Variants in ARMC3 observed in about 807,000 individuals in gnomAD.
ARMC3 encodes the protein armadillo repeat-containing protein 3.
Under a neutral mutation model 90.3 loss-of-function variants are expected in ARMC3, and 74 were observed. That is an observed-to-expected ratio of 0.82 (90% CI 0.68 to 0.99). The LOEUF is 0.99. ARMC3 is among the 50% of genes least tolerant of loss of function. ARMC3 has a pLI of 0.00. For synonymous variants in ARMC3, 334 were observed against 361.8 expected, an observed-to-expected ratio of 0.92 and a Z score of 0.87; for missense variants, 958 against 1,042.8, an observed-to-expected ratio of 0.92 and a Z score of 1.12.
intron 2 of ARMC3, among the ~76,000 whole-genome samples, chr10:22,937,830 C>T (rs956027382): frequency 6.6e-6 from 1 of 152,210 alleles, no homozygotes; most frequent in African/African-American, 2.4e-5. Context: ...ACTACCATCA[C>T]CCCAGTATTG....
At chr10:23,021,259 G>T (rs1260312718) in intron 16 of ARMC3, among the ~76,000 whole-genome samples, 1 of 152,182 alleles carries the variant, frequency 6.6e-6, no homozygotes, top group African/African-American at 2.4e-5. Flanking sequence ...ATCGTGAATA[G>T]TGCTGCAATG....
chr10:22,946,243 T>G lies in ARMC3; in HGVS notation c.148T>G (p.Tyr50Asp). 1.2e-6 allele frequency: 2 copies of G among 1,606,376 alleles called. No homozygotes were observed. Among genetic ancestry groups the G allele is most frequent in the Non-Finnish European group, 1.7e-6 (2 of 1,174,738 alleles). ...TTTGGCTAAAGCATGTGAAGCCATT[T>G]ATAAATTTGCTTTAAAAGGTTTGGA... ...EILAKACEAIYKFALKGEENK... is the reference protein window; with the variant it reads ...EILAKACEAIDKFALKGEENK... Residue 50 changes from tyrosine to aspartate, a missense_variant, in exon 3 of 19, where the codon TAT (tyrosine) becomes GAT (aspartate). Tyr to Asp is a radical substitution (Grantham distance 160). Transcript: ENST00000298032.
chr10:22,955,670 A>T, intron 3 of ARMC3, 137 bp from the exon 4 acceptor site: 1 of 1,055,122 alleles, frequency 9.5e-7, no homozygotes. Flanking sequence ...CTTGAAGTTT[A>T]TTCTGAGGGA....
At chr10:23,001,198 A>C (rs1264427666) in intron 11 of ARMC3, among the ~76,000 whole-genome samples, 2 of 152,194 alleles carry the variant, frequency 1.3e-5, no homozygotes, top group Non-Finnish European at 2.9e-5. Context: ...GACTGTGTTA[A>C]CTTCCTATTG....
In ARMC3 at chr10:23,005,176, G is replaced by A. The variant is rs527846369; in HGVS notation, c.1732-1708G>A. Reference sequence around the variant, plus strand: ...TGTGGTGAGCCGAGATCATACCACTGCACTCCAGCCTGGGCGACAGAGCTA... The same window carrying A: ...TGTGGTGAGCCGAGATCATACCACTACACTCCAGCCTGGGCGACAGAGCTA... On this transcript the variant is annotated intron_variant, in intron 13 of 18. Transcript: ENST00000298032. Among the ~76,000 whole-genome samples, 34 of 133,008 alleles carry A rather than the reference G, an allele frequency of 2.6e-4. No homozygotes were observed. In the Admixed American group the frequency reaches 2.7e-3, roughly 11 times the overall value. 87.3% of individuals were successfully genotyped at this position (133,008 alleles called of 152,430 possible). A position where few individuals can be genotyped will look rare whatever the true frequency, so the allele number is the denominator to read the frequency against.
At chr10:23,032,669 G>A (rs1002967764) in intron 17 of ARMC3, among the ~76,000 whole-genome samples, 192 bp from the exon 18 acceptor site, 1 of 151,946 alleles carries the variant, frequency 6.6e-6, no homozygotes, top group African/African-American at 2.4e-5. Context: ...TATATATGAT[G>A]GTTTGCATAC....
chr10:22,938,576 T>A (rs1834202599), intron 2 of ARMC3, among the ~76,000 whole-genome samples: 2 of 151,728 alleles, frequency 1.3e-5, no homozygotes, highest in South Asian at 4.2e-4. Context: ...GTGAAGAAGA[T>A]GAGATGTGGC....
At chr10:22,937,370 C>T (rs954282059) in intron 2 of ARMC3, among the ~76,000 whole-genome samples, 5 of 152,150 alleles carry the variant, frequency 3.3e-5, no homozygotes, top group Non-Finnish European at 5.9e-5. Flanking sequence ...ACCATAGTAT[C>T]CTTATTCACA....
chr10:22,972,356 A>G (rs1313678469), intron 8 of ARMC3, among the ~76,000 whole-genome samples: 2 of 152,112 alleles, frequency 1.3e-5, no homozygotes, highest in African/African-American at 4.8e-5. Context: ...TTATTTTTAT[A>G]TAGGGTATAA....
At chr10:22,954,867 A>G (rs1263019016) in intron 3 of ARMC3, among the ~76,000 whole-genome samples, 1 of 152,052 alleles carries the variant, frequency 6.6e-6, no homozygotes, top group Non-Finnish European at 1.5e-5. Flanking sequence ...GACTCACATG[A>G]TTGTGGAGGC....
Position 23,002,032 on chromosome 10 carries a change from G to T in ARMC3, c.1539G>T (p.Thr513=). The change falls in exon 12 of 19, where the codon ACG becomes ACT. Residue 513 remains threonine (T), a synonymous_variant. Transcript: ENST00000298032. ...TGGTCTGTGCTGGTGACGAGCTGACGGCCAATGAATTATGCAGGCTCGGGT... is the reference window on the plus strand; with the variant it reads ...TGGTCTGTGCTGGTGACGAGCTGACTGCCAATGAATTATGCAGGCTCGGGT... ...AVMVCAGDEL[T]ANELCRLGAL... is the part of the protein sequence containing the mutation. The T allele has an allele frequency of 3.7e-6, 6 of 1,613,754 alleles. No homozygotes were observed. Among genetic ancestry groups the T allele is most frequent in the Non-Finnish European group, 5.1e-6 (6 of 1,179,792 alleles).
At chr10:23,021,687 ATTGT>A (rs1838520729) in intron 16 of ARMC3, among the ~76,000 whole-genome samples, 4 of 151,920 alleles carry the variant, frequency 2.6e-5, no homozygotes, top group Admixed American at 2.0e-4. Context: ...TGCTTGTTGA[ATTGT>A]TTAAGTTCTG....
chr10:22,974,636 T>TGTTTG (rs1554778077), intron 8 of ARMC3, among the ~76,000 whole-genome samples: 1 of 151,870 alleles, frequency 6.6e-6, no homozygotes, highest in African/African-American at 2.4e-5. Flanking sequence ...ATCTGTTTTT[T>TGTTTG]TTTGTTTGTT....
chr10:22,991,452 T>C (rs925087877), intron 10 of ARMC3, among the ~76,000 whole-genome samples: 2 of 152,136 alleles, frequency 1.3e-5, no homozygotes, highest in Non-Finnish European at 2.9e-5. Context: ...GTTTTTTCTT[T>C]TTTGTTTTGT....
chr10:23,015,034 C>T (rs1838214835), intron 16 of ARMC3, among the ~76,000 whole-genome samples: 1 of 151,116 alleles, frequency 6.6e-6, no homozygotes, highest in Admixed American at 6.6e-5. Flanking sequence ...GTGAGAGATA[C>T]TGACAGAATA....
At chr10:22,941,811 A>G (rs929796406) in intron 2 of ARMC3, among the ~76,000 whole-genome samples, 3 of 152,216 alleles carry the variant, frequency 2.0e-5, no homozygotes, top group Non-Finnish European at 2.9e-5. Flanking sequence ...CAAGGATAGT[A>G]GAAATGTTTG....
At chr10:23,031,022 C>T in intron 17 of ARMC3, 1 of 460,862 alleles carries the variant, frequency 2.2e-6, no homozygotes, top group Non-Finnish European at 3.8e-6. Context: ...AAGAAAAATG[C>T]CTGTCATTTT....
intron 16 of ARMC3, among the ~76,000 whole-genome samples, chr10:23,025,519 C>CA (rs538859617): frequency 2.0e-5 from 3 of 151,562 alleles, no homozygotes; most frequent in South Asian, 2.1e-4. Flanking sequence ...AAGGACATCT[C>CA]AAAAAAAATT....
chr10:23,016,018 C>T (rs1395720775), intron 16 of ARMC3, among the ~76,000 whole-genome samples: 1 of 152,164 alleles, frequency 6.6e-6, no homozygotes, highest in Non-Finnish European at 1.5e-5. Flanking sequence ...CACACTCACA[C>T]AATCAGACAC....
Sources: gnomAD v4.1 joint callset for allele counts (sites outside exome capture counted in the v4.1 genomes callset) on GRCh38, gnomAD v4.1.1 for gene constraint, MANE v1.5 for transcripts, NCBI Gene and HGNC (gene_info 2026-07-23, HGNC 2026-07-21) for gene names.